Variants in PPFIA2 observed in about 807,000 individuals in gnomAD.
The protein encoded by PPFIA2 is PPFI scaffold protein A2, also known as liprin-alpha-2.
Under a neutral mutation model 175.5 loss-of-function variants are expected in PPFIA2, and 46 were observed. That is an observed-to-expected ratio of 0.26 (90% CI 0.21 to 0.34). PPFIA2 has a LOEUF of 0.34. Ranked by LOEUF, PPFIA2 falls within the 10% of genes least tolerant of loss-of-function variation. The probability of loss-of-function intolerance (pLI) is 1.00; values close to 1 mark genes in which losing one functional copy is unlikely to be tolerated. For missense variants in PPFIA2, 1,179 were observed against 1,506.1 expected, an observed-to-expected ratio of 0.78 and a Z score of 3.60; for synonymous variants, 568 against 511.4, an observed-to-expected ratio of 1.11 and a Z score of -1.49.
chr12:81,757,829 T>C (rs2084923437), intron 2 of PPFIA2, among the ~76,000 whole-genome samples: 1 of 152,194 alleles, frequency 6.6e-6, no homozygotes, highest in Non-Finnish European at 1.5e-5. Flanking sequence ...TCACTAGGAA[T>C]TCGGCCCTAC....
At chr12:81,646,759 G>A (rs1194992589) in intron 4 of PPFIA2, among the ~76,000 whole-genome samples, 1 of 152,054 alleles carries the variant, frequency 6.6e-6, no homozygotes, top group Non-Finnish European at 1.5e-5. Context: ...CCAAGTTACT[G>A]GCCTGTGAGA....
intron 3 of PPFIA2, among the ~76,000 whole-genome samples, chr12:81,734,819 T>A (rs1597023190): frequency 6.6e-6 from 1 of 151,874 alleles, no homozygotes; most frequent in East Asian, 1.9e-4. Flanking sequence ...ACCCATTTGC[T>A]GTCACTTCCT....
chr12:81,735,328 T>C (rs66753339), intron 3 of PPFIA2, among the ~76,000 whole-genome samples: 22,069 of 151,804 alleles, frequency 0.15, 1,755 homozygotes, highest in Middle Eastern at 0.23. Context: ...TGGTTTTAAT[T>C]TGAAATTCCT....
At chr12:81,305,001 G>C (rs758661710) in intron 22 of PPFIA2, among the ~76,000 whole-genome samples, 5 of 151,930 alleles carry the variant, frequency 3.3e-5, no homozygotes, top group Admixed American at 6.6e-5. Flanking sequence ...TGGTTGCTTT[G>C]TCCTGAGCTG....
chr12:81,284,427 G>T (rs925716974), intron 24 of PPFIA2, 124 bp from the exon 25 acceptor site: 1 of 699,438 alleles, frequency 1.4e-6, no homozygotes, highest in Non-Finnish European at 2.5e-6. Flanking sequence ...TGCCCCTACC[G>T]TGTGCATGAA....
intron 3 of PPFIA2, among the ~76,000 whole-genome samples, chr12:81,691,960 C>T (rs945943671): frequency 6.6e-6 from 1 of 151,826 alleles, no homozygotes; most frequent in Admixed American, 6.6e-5. Flanking sequence ...GTGTAATCCC[C>T]CTCTCTTACA....
intron 23 of PPFIA2, among the ~76,000 whole-genome samples, 156 bp downstream of exon 23, chr12:81,299,145 A>C (rs2047201162): frequency 6.6e-6 from 1 of 152,200 alleles, no homozygotes; most frequent in Non-Finnish European, 1.5e-5. Context: ...GTCAGCATAA[A>C]ATCATAAATT....
intron 4 of PPFIA2, among the ~76,000 whole-genome samples, chr12:81,647,875 T>TTA (rs947813943): frequency 7.8e-5 from 11 of 141,380 alleles, no homozygotes; most frequent in South Asian, 4.3e-4. Context: ...ATAATATATA[T>TTA]TATATATATA....
intron 3 of PPFIA2, among the ~76,000 whole-genome samples, chr12:81,695,263 C>G (rs972209509): frequency 2.0e-5 from 3 of 152,080 alleles, no homozygotes; most frequent in African/African-American, 7.2e-5. Flanking sequence ...TGTCCCCACC[C>G]TACTTTTATG....
intron 9 of PPFIA2, among the ~76,000 whole-genome samples, chr12:81,379,812 C>G (rs549043639): frequency 6.6e-6 from 1 of 152,254 alleles, no homozygotes; most frequent in East Asian, 1.9e-4. Flanking sequence ...CTGAAGCCAT[C>G]AGTGGAACAT....
At chr12:81,351,045 GA>G (rs1455014825) in intron 17 of PPFIA2, among the ~76,000 whole-genome samples, 1 of 152,110 alleles carries the variant, frequency 6.6e-6, no homozygotes, top group East Asian at 1.9e-4. Context: ...GGAAATGACA[GA>G]AAAAGCTGAT....
chr12:81,757,367 T>C (rs575319359), intron 2 of PPFIA2, among the ~76,000 whole-genome samples: 1 of 152,304 alleles, frequency 6.6e-6, no homozygotes, highest in Non-Finnish European at 1.5e-5. Context: ...TTTTAACAAT[T>C]TGCCTTGATA....
chr12:81,392,263 G>A (rs780093836), intron 8 of PPFIA2, among the ~76,000 whole-genome samples: 1 of 151,800 alleles, frequency 6.6e-6, no homozygotes, highest in Non-Finnish European at 1.5e-5. Flanking sequence ...TTAGAAAGAT[G>A]GAGTTGCTAT....
intron 7 of PPFIA2, among the ~76,000 whole-genome samples, chr12:81,429,779 A>C (rs17305984): frequency 0.092 from 14,027 of 152,086 alleles, 849 homozygotes; most frequent in Middle Eastern, 0.16. Context: ...TTAAATAAGG[A>C]AATACCATTG....
In PPFIA2 at chr12:81,353,224, G is replaced by A. The variant is rs368909977; in HGVS notation, c.1889C>T (p.Thr630Ile). ...MSDIDDDDRE[T>I]IFSSMDLLSP... ...GAGAAGATCCATTGAGCTAAAAATTGTTTCTCTGTCATCATCATCAATATC... is the reference window on the plus strand; with the variant it reads ...GAGAAGATCCATTGAGCTAAAAATTATTTCTCTGTCATCATCATCAATATC... The change falls in exon 17 of 33, where the codon ACA (threonine) becomes ATA (isoleucine). Residue 630 changes from threonine (T) to isoleucine (I), a missense_variant. Physicochemically the swap from Thr to Ile is moderately conservative, Grantham distance 89. Around this residue, in one of 10 missense-constraint regions of PPFIA2, gnomAD observed 186 missense variants for 163.6 expected, o/e 1.14. Transcript: ENST00000549396. 2.0e-5 allele frequency: 33 copies of A among 1,613,638 alleles called. No homozygotes were observed. Among genetic ancestry groups the A allele is most frequent in the Non-Finnish European group, 2.7e-5 (32 of 1,179,804 alleles).
At chr12:81,746,697 G>A (rs2083111276) in intron 3 of PPFIA2, among the ~76,000 whole-genome samples, 2 of 143,704 alleles carry the variant, frequency 1.4e-5, no homozygotes, top group Non-Finnish European at 3.1e-5. Context: ...TAGAGACAGA[G>A]GGAAACAATA....
intron 22 of PPFIA2, among the ~76,000 whole-genome samples, chr12:81,323,586 G>A (rs2054140289): frequency 6.6e-6 from 1 of 151,738 alleles, no homozygotes; most frequent in African/African-American, 2.4e-5. Flanking sequence ...AAAGAAAATT[G>A]GAATTGTTTA....
At chr12:81,389,230 G>A (rs989684249) in intron 8 of PPFIA2, among the ~76,000 whole-genome samples, 2 of 148,710 alleles carry the variant, frequency 1.3e-5, no homozygotes, top group African/African-American at 4.9e-5. Flanking sequence ...TTTATTTGGT[G>A]CAAATGAACG....
intron 4 of PPFIA2, among the ~76,000 whole-genome samples, chr12:81,525,477 G>C (rs1744495409): frequency 1.3e-5 from 2 of 152,116 alleles, no homozygotes; most frequent in African/African-American, 4.8e-5. Flanking sequence ...GGAAAGTGTA[G>C]GTAACCCCTA....
Sources: allele counts gnomAD v4.1 joint callset (sites outside exome capture counted in the v4.1 genomes callset), GRCh38; gene constraint gnomAD v4.1.1; regional missense constraint gnomAD v4.1.1; transcripts MANE v1.5; gene names NCBI Gene and HGNC (gene_info 2026-07-23, HGNC 2026-07-21).